The following NOBOX variants were observed in gnomAD, a reference collection of about 807,000 sequenced individuals.
NOBOX encodes NOBOX oogenesis homeobox.
A neutral mutation model predicts 60.2 loss-of-function variants in NOBOX; 46 were observed. That is an observed-to-expected ratio of 0.76 (90% confidence interval 0.60 to 0.98). The LOEUF (loss-of-function observed/expected upper bound fraction) is 0.98, where lower values mean the gene tolerates loss of function less well. NOBOX is among the 50% of genes least tolerant of loss of function. The pLI, the probability that NOBOX is intolerant of heterozygous loss-of-function variation, is 0.00. For missense variants in NOBOX, 880 were observed against 865.5 expected (o/e 1.02, Z -0.21); for synonymous variants, 360 against 346.3 (o/e 1.04, Z -0.44).
In NOBOX at chr7:144,397,559, G is replaced by A. The variant is rs1250802392; in HGVS notation, c.1775-18C>T. On this transcript the variant is annotated intron_variant, in intron 9 of 9. Coordinates refer to ENST00000467773, the MANE Select transcript of NOBOX (RefSeq NM_001080413.3). Reference sequence around the variant, plus strand: ...GGCTGTACCTGTGGGGTCGGAGGGTGTAGGAATTACCAGACAGGATGGAGA... The same window carrying A: ...GGCTGTACCTGTGGGGTCGGAGGGTATAGGAATTACCAGACAGGATGGAGA... 6.0e-6 allele frequency: 9 copies of A among 1,496,306 alleles called. No individual in the cohort carries two copies. The South Asian group carries it at 7.7e-5, about 13-fold the overall frequency. 92.7% of individuals were successfully genotyped at this position (1,496,306 alleles called of 1,614,324 possible).
chr7:144,408,837 C>G (rs952215511), intron 1 of NOBOX, among the ~76,000 whole-genome samples: 7 of 152,172 alleles, frequency 4.6e-5, no homozygotes, highest in African/African-American at 1.7e-4. Flanking sequence ...AGTGATGGAA[C>G]CGTTCTGAAT....
Position 144,410,144 on chromosome 7 carries a change from C to A in NOBOX, c.84G>T (p.Glu28Asp). The change falls in exon 1 of 10, where the codon GAG becomes GAT. Residue 28 changes from glutamate to aspartate, a missense_variant and splice_region_variant. By Grantham distance (45) the Glu-to-Asp change is conservative (BLOSUM62 2). Coordinates refer to ENST00000467773, the MANE Select transcript of NOBOX (RefSeq NM_001080413.3). ...GTTGCTTCCAGGACATGAGCTCACC[C>A]TCCTGGGCTTTGAAGCCATCCTTGT... 5 of 1,558,042 alleles carry A rather than the reference C, an allele frequency of 3.2e-6. No individual in the cohort carries two copies. Among genetic ancestry groups the A allele is most frequent in the Non-Finnish European group, 4.4e-6 (5 of 1,147,952 alleles).
intron 1 of NOBOX, chr7:144,404,799 G>A (rs1195824281): frequency 1.0e-5 from 12 of 1,164,414 alleles, no homozygotes; most frequent in Admixed American, 2.3e-5. Context: ...TATGATTCCT[G>A]GTTCACGGAA....
Position 144,410,222 on chromosome 7 carries a change from A to C in NOBOX, c.6T>G (p.Ala2=). The C allele has an allele frequency of 1.3e-6, 2 of 1,563,094 alleles. No individual in the cohort carries two copies. The change falls in exon 1 of 10, where the codon GCT becomes GCG. Residue 2 remains alanine (A), a synonymous_variant. Coordinates refer to ENST00000467773, the MANE Select transcript of NOBOX (RefSeq NM_001080413.3). ...CTGGTGATGTTAGTGTCAAAAGGAG[A>C]GCCATGTCATGGCCAGCAGGTTCCT...
In NOBOX at chr7:144,398,955, C is replaced by A. The variant is rs1033813996; in HGVS notation, c.1464G>T (p.Gly488=). ...TACCCCCGTAGGTTCCTTACCTTGT[C>A]CCCCAGGACCCACAGGGGCCGTCCT... Residue 488 remains glycine, a synonymous_variant, in exon 8 of 10, where the codon GGG becomes GGT. Transcript: ENST00000467773. 15 of 1,547,478 alleles carry A rather than the reference C, an allele frequency of 9.7e-6. No homozygotes were observed. In the African/African-American group the frequency reaches 1.8e-4, roughly 18 times the overall value.
chr7:144,397,829 TC>T (rs1563126957), intron 9 of NOBOX, among the ~76,000 whole-genome samples: 1 of 152,164 alleles, frequency 6.6e-6, no homozygotes, highest in Non-Finnish European at 1.5e-5. Flanking sequence ...TGATCTTTCC[TC>T]CCCTTCTGCT....
chr7:144,404,036 C>T (rs2053965392), intron 2 of NOBOX, among the ~76,000 whole-genome samples: 1 of 152,092 alleles, frequency 6.6e-6, no homozygotes, highest in African/African-American at 2.4e-5. Flanking sequence ...CGAGGCTACC[C>T]GGTGGTCTTC....
intron 4 of NOBOX, 118 bp from the exon 3 acceptor site, chr7:144,400,430 C>A: frequency 1.2e-6 from 1 of 854,214 alleles, no homozygotes; most frequent in Non-Finnish European, 1.8e-6. Context: ...TAACCCAACA[C>A]TTTCCCAAAG....
intron 1 of NOBOX, among the ~76,000 whole-genome samples, chr7:144,409,660 A>G (rs1271581127): frequency 1.3e-5 from 2 of 152,260 alleles, no homozygotes; most frequent in East Asian, 1.9e-4. Context: ...AAAAATTAAA[A>G]AGGCAAATTT....
At chr7:144,402,333 C>A (rs1431133755) in intron 2 of NOBOX, among the ~76,000 whole-genome samples, 1 of 152,150 alleles carries the variant, frequency 6.6e-6, no homozygotes, top group Admixed American at 6.5e-5. Flanking sequence ...GCTTGCCTTC[C>A]TTTCTGTGAG....
chr7:144,399,304 G>A (rs558915854), intron 7 of NOBOX, 93 bp downstream of exon 5: 1 of 1,047,456 alleles, frequency 9.5e-7, no homozygotes, highest in South Asian at 1.4e-5. Context: ...TGAAACACTG[G>A]AGGACTCCAG....
chr7:144,407,537 C>T (rs988478911), intron 1 of NOBOX, among the ~76,000 whole-genome samples: 30 of 152,320 alleles, frequency 2.0e-4, no homozygotes, highest in African/African-American at 7.0e-4. Flanking sequence ...GAGCCAGGCA[C>T]GTGCTCAGGG....
intron 1 of NOBOX, among the ~76,000 whole-genome samples, chr7:144,406,962 AC>A (rs1169681961): frequency 6.6e-6 from 1 of 151,520 alleles, no homozygotes; most frequent in Non-Finnish European, 1.5e-5. Flanking sequence ...GCCTAACTCA[AC>A]TTTGTTTAGA....
In NOBOX at chr7:144,401,203, T is replaced by C. The variant is rs764364635; in HGVS notation, c.687A>G (p.Thr229=). 9.9e-6 allele frequency: 16 copies of C among 1,613,710 alleles called. No individual in the cohort carries two copies. In the Admixed American group the frequency reaches 2.7e-4, roughly 27 times the overall value. ...CTGACCCACAGGGCACTGGGTTGTGTGTGGCACGGGCTGAGTTAGGGGCAC... is the reference window on the plus strand; with the variant it reads ...CTGACCCACAGGGCACTGGGTTGTGCGTGGCACGGGCTGAGTTAGGGGCAC... Residue 229 remains threonine (T), a synonymous_variant, in exon 4 of 10, where the codon ACA becomes ACG. Coordinates refer to ENST00000467773, the MANE Select transcript of NOBOX (RefSeq NM_001080413.3). This position sits in a 1 kb window ranked among gnomAD's most constrained non-coding sequence, Gnocchi z 4.2.
At position 144,401,367 on chromosome 7, in the gene NOBOX, G is replaced by T. The variant is rs573084275; in HGVS notation, c.523C>A (p.Arg175Ser). ...TCCCCCTGAGTCTGGGGCCTGGAGCGGGCTAGAGTTCTGTCTTTGTGGGGA... is the reference window on the plus strand; with the variant it reads ...TCCCCCTGAGTCTGGGGCCTGGAGCTGGCTAGAGTTCTGTCTTTGTGGGGA... The change falls in exon 4 of 10, where the codon CGC (arginine) becomes AGC (serine). Residue 175 changes from arginine (R) to serine (S), a missense_variant. Coordinates refer to ENST00000467773, the MANE Select transcript of NOBOX (RefSeq NM_001080413.3). The surrounding 1 kb of genome is among the most constrained non-coding windows in gnomAD (Gnocchi z 4.2). The T allele has an allele frequency of 2.5e-6, 4 of 1,613,792 alleles. No homozygotes were observed. In the South Asian group the frequency reaches 3.3e-5, roughly 13 times the overall value.
intron 4 of NOBOX, 78 bp downstream of exon 2, chr7:144,400,968 G>A: frequency 7.9e-7 from 1 of 1,260,072 alleles, no homozygotes; most frequent in Non-Finnish European, 1.1e-6. Context: ...GGTCTCCTGG[G>A]GGTAGATTCT....
chr7:144,404,758 T>G, intron 1 of NOBOX: 2 of 1,566,048 alleles, frequency 1.3e-6, no homozygotes, highest in Non-Finnish European at 1.7e-6. Context: ...GAAGGGACTT[T>G]CTTGGGGGAG....
intron 1 of NOBOX, among the ~76,000 whole-genome samples, chr7:144,405,615 G>C (rs372850081): frequency 9.9e-5 from 15 of 152,142 alleles, no homozygotes; most frequent in African/African-American, 3.4e-4. Context: ...CAGGATGAAC[G>C]GCAAGCTCTG....
chr7:144,398,256 G>C (rs1466071180), intron 9 of NOBOX, 26 bp downstream of exon 7: 37 of 1,534,916 alleles, frequency 2.4e-5, no homozygotes, highest in Non-Finnish European at 1.2e-5. Context: ...ATCTCAAGGG[G>C]ACCTTCTCTC....
Sources: gnomAD v4.1 joint callset for allele counts (sites outside exome capture counted in the v4.1 genomes callset) on GRCh38, gnomAD v4.1.1 for gene constraint, Gnocchi (gnomAD v3.1) non-coding constraint, MANE v1.5 for transcripts, NCBI Gene and HGNC (gene_info 2026-07-23, HGNC 2026-07-21) for gene names.